The following MYO16 variants were observed in gnomAD, a reference collection of about 807,000 sequenced individuals.
MYO16 encodes unconventional myosin-XVI.
Under a neutral mutation model 205.3 loss-of-function variants are expected in MYO16, and 94 were observed. That is an observed-to-expected ratio of 0.46 (90% CI 0.39 to 0.54). The LOEUF (loss-of-function observed/expected upper bound fraction) is 0.54. MYO16 is among the 20% of genes least tolerant of loss of function. The pLI is 0.00. For missense variants in MYO16, 2,315 were observed against 2,387.5 expected, an observed-to-expected ratio of 0.97 and a Z score of 0.63; for synonymous variants, 988 against 954.0, an observed-to-expected ratio of 1.04 and a Z score of -0.66.
intron 1 of MYO16, among the ~76,000 whole-genome samples, chr13:108,649,679 G>A (rs553676365): frequency 2.0e-5 from 3 of 152,062 alleles, no homozygotes; most frequent in Non-Finnish European, 4.4e-5. Flanking sequence ...TTCTGAATTG[G>A]TATAATAACA....
At chr13:108,790,239 A>T (rs1239639161) in intron 5 of MYO16, among the ~76,000 whole-genome samples, 1 of 152,208 alleles carries the variant, frequency 6.6e-6, no homozygotes, top group African/African-American at 2.4e-5. Context: ...TCTTACAAAA[A>T]CAATATTACC....
At chr13:108,729,385 A>T (rs981015447) in intron 4 of MYO16, among the ~76,000 whole-genome samples, 4 of 152,204 alleles carry the variant, frequency 2.6e-5, no homozygotes, top group African/African-American at 9.6e-5. Flanking sequence ...TTAAGGAGGA[A>T]CTACGTTCAT....
chr13:108,544,616 A>G, the MYO16 span, among the ~76,000 whole-genome samples: 3 of 152,240 alleles, frequency 2.0e-5, no homozygotes, highest in African/African-American at 7.2e-5. Flanking sequence ...CTATACCTAT[A>G]TAAAGAGCTT....
chr13:108,972,983 T>C (rs1013058372), intron 20 of MYO16, among the ~76,000 whole-genome samples: 1 of 151,890 alleles, frequency 6.6e-6, no homozygotes, highest in African/African-American at 2.4e-5. Context: ...GGGAAGATAT[T>C]GGGAACAGCG....
intron 28 of MYO16, chr13:109,101,293 C>T (rs1263100101): frequency 6.4e-6 from 1 of 155,754 alleles, no homozygotes; most frequent in Non-Finnish European, 1.4e-5. Context: ...ACCTGGACTT[C>T]CCCAGCTCGT....
chr13:108,853,874 T>A (rs1878019579), intron 10 of MYO16, among the ~76,000 whole-genome samples: 2 of 152,018 alleles, frequency 1.3e-5, no homozygotes, highest in African/African-American at 4.8e-5. Context: ...GCTTGCTGCC[T>A]GCCACCATTC....
At chr13:108,750,548 C>A (rs1031745545) in intron 4 of MYO16, among the ~76,000 whole-genome samples, 6 of 146,550 alleles carry the variant, frequency 4.1e-5, no homozygotes, top group Non-Finnish European at 8.9e-5. Context: ...GTGGGCTGAT[C>A]AGTTGAGGTC....
At chr13:108,610,820 A>G (rs987124057) in intron 1 of MYO16, among the ~76,000 whole-genome samples, 7 of 152,128 alleles carry the variant, frequency 4.6e-5, no homozygotes, top group Non-Finnish European at 1.0e-4. Context: ...GAATTGCAGA[A>G]TGGTTGAAAA....
At chr13:108,822,018 C>A (rs1031516209) in intron 8 of MYO16, among the ~76,000 whole-genome samples, 1 of 152,068 alleles carries the variant, frequency 6.6e-6, no homozygotes, top group Non-Finnish European at 1.5e-5. Flanking sequence ...TGCCAATAAT[C>A]TAGGCAGCAA....
At chr13:108,749,532 G>C (rs936218496) in intron 4 of MYO16, among the ~76,000 whole-genome samples, 1 of 152,190 alleles carries the variant, frequency 6.6e-6, no homozygotes, top group Non-Finnish European at 1.5e-5. Flanking sequence ...AGTAGCATTT[G>C]TTATTAGACA....
At chr13:109,077,470 C>T (rs1888145863) in intron 27 of MYO16, among the ~76,000 whole-genome samples, 2 of 152,134 alleles carry the variant, frequency 1.3e-5, no homozygotes, top group Admixed American at 6.5e-5. Flanking sequence ...CTATAATTGA[C>T]GAATTTGCAT....
chr13:108,569,136 C>T, the MYO16 span, among the ~76,000 whole-genome samples: 1 of 151,930 alleles, frequency 6.6e-6, no homozygotes, highest in African/African-American at 2.4e-5. Flanking sequence ...ATTATTTTGG[C>T]TAGTTTTGAT....
chr13:108,890,110 T>TA (rs2139185446), intron 14 of MYO16, among the ~76,000 whole-genome samples: 1 of 141,778 alleles, frequency 7.1e-6, no homozygotes, highest in East Asian at 2.1e-4. Flanking sequence ...TTGTATTTTT[T>TA]TTTTTTTTTT....
chr13:108,898,351 AGTGTGTGTGTGTGTGTGT>A (rs3042037), intron 15 of MYO16, among the ~76,000 whole-genome samples: 9 of 144,992 alleles, frequency 6.2e-5, no homozygotes, highest in Non-Finnish European at 1.4e-4. Context: ...AGGGTGTGTG[AGTGTGTGTGTGTGTGTGT>A]GTGTGTGTGT....
the MYO16 span, among the ~76,000 whole-genome samples, chr13:108,501,667 G>A: frequency 1.3e-5 from 2 of 152,312 alleles, no homozygotes; most frequent in Middle Eastern, 3.4e-3. Context: ...CCACCAGTGG[G>A]CCAGTTCCAA....
intron 9 of MYO16, among the ~76,000 whole-genome samples, chr13:108,843,354 C>A (rs1236163367): frequency 1.3e-5 from 2 of 151,984 alleles, no homozygotes; most frequent in Non-Finnish European, 2.9e-5. Flanking sequence ...CTCCAAGGAG[C>A]ACAAAGGGTC....
At chr13:108,820,276 T>C in intron 7 of MYO16, 61 bp from the exon 8 acceptor site, 1 of 1,234,462 alleles carries the variant, frequency 8.1e-7, no homozygotes, top group Non-Finnish European at 1.2e-6. Flanking sequence ...GTGTATGACT[T>C]ACTGATGTAT....
rs1196769189 is a variant in MYO16, at chr13:108,611,961, TTTTTTTTTTTC to T, written c.-39+15733_-39+15743del. Among the ~76,000 whole-genome samples the T allele has an allele frequency of 1.8e-3, 258 of 147,278 alleles. 1 individual carries two copies. Among genetic ancestry groups the T allele is most frequent in the African/African-American group, 6.1e-3 (245 of 39,870 alleles). On this transcript the variant is annotated intron_variant, in intron 1 of 24. Coordinates refer to the MYO16 transcript ENST00000251041. The stretch of plus-strand genomic sequence containing the variant: ...TAGATAGAAGGCAGGTAATATTCTT[TTTTTTTTTTTC>T]TTTTTTTTTTTTTTTTTTTTTGAGA...
chr13:108,840,433 A>G (rs441963), intron 9 of MYO16, among the ~76,000 whole-genome samples: 3,124 of 152,204 alleles, frequency 0.021, 94 homozygotes, highest in African/African-American at 0.068. Flanking sequence ...CAACCCTTCA[A>G]TTTACTCTCT....
Sources: allele counts gnomAD v4.1 joint callset (sites outside exome capture counted in the v4.1 genomes callset), GRCh38; gene constraint gnomAD v4.1.1; transcripts MANE v1.5; gene names NCBI Gene and HGNC (gene_info 2026-07-23, HGNC 2026-07-21).